Variants in TRIM55 observed in about 807,000 individuals in gnomAD.
TRIM55 encodes the protein tripartite motif containing 55, also known as tripartite motif-containing protein 55.
TRIM55 carries 50 observed loss-of-function variants against 60.9 expected under a neutral mutation model. That is an observed-to-expected ratio of 0.82 (90% confidence interval 0.65 to 1.04). The LOEUF (loss-of-function observed/expected upper bound fraction) is 1.04. Among genes scored for constraint, TRIM55 ranks in the 50% least tolerant of loss-of-function variants. TRIM55 has a pLI of 0.00. For synonymous variants in TRIM55, 237 were observed against 238.1 expected, an observed-to-expected ratio of 1.00 and a Z score of 0.04; for missense variants, 681 against 666.9, an observed-to-expected ratio of 1.02 and a Z score of -0.23.
intron 9 of TRIM55, among the ~76,000 whole-genome samples, chr8:66,170,621 A>G (rs1050003083): frequency 6.6e-6 from 1 of 152,202 alleles, no homozygotes; most frequent in Non-Finnish European, 1.5e-5. Context: ...TTCACATTAA[A>G]AAAAAATACC....
At chr8:66,166,109 CAGA>C (rs898544574) in intron 9 of TRIM55, among the ~76,000 whole-genome samples, 1 of 152,020 alleles carries the variant, frequency 6.6e-6, no homozygotes, top group Non-Finnish European at 1.5e-5. Flanking sequence ...GGGGTTTTAC[CAGA>C]AGGACAATAA....
intron 9 of TRIM55, among the ~76,000 whole-genome samples, chr8:66,158,182 C>T (rs1470004948): frequency 1.5e-5 from 2 of 137,292 alleles, no homozygotes; most frequent in Admixed American, 1.5e-4. Context: ...CACACACACA[C>T]ACACACACAC....
the TRIM55 span, among the ~76,000 whole-genome samples, chr8:66,118,348 T>G: frequency 6.6e-6 from 1 of 151,882 alleles, no homozygotes; most frequent in Non-Finnish European, 1.5e-5. Flanking sequence ...AACCATCTAA[T>G]GAAAGAAATG....
intron 4 of TRIM55, among the ~76,000 whole-genome samples, chr8:66,146,568 C>T (rs1185698584): frequency 2.6e-5 from 4 of 152,154 alleles, no homozygotes; most frequent in Admixed American, 6.5e-5. Context: ...TAATATAATA[C>T]TCATATTATA....
upstream of TRIM55, among the ~76,000 whole-genome samples, chr8:66,123,756 G>C (rs1303565627): frequency 6.6e-6 from 1 of 152,208 alleles, no homozygotes; most frequent in Non-Finnish European, 1.5e-5. Context: ...TACTCAGGAG[G>C]CTGAGGTGGG....
At chr8:66,166,430 G>A (rs932980699) in intron 9 of TRIM55, among the ~76,000 whole-genome samples, 1 of 152,160 alleles carries the variant, frequency 6.6e-6, no homozygotes, top group Admixed American at 6.5e-5. Context: ...ACTTTTGTTA[G>A]TGCTGTACAT....
intron 2 of TRIM55, among the ~76,000 whole-genome samples, chr8:66,130,401 A>G (rs1809070336): frequency 6.6e-6 from 1 of 152,344 alleles, no homozygotes. Context: ...CAAGTTGCAC[A>G]GAGCACTTGG....
At chr8:66,153,997 C>T (rs768582559) in intron 8 of TRIM55, 50 bp from the exon 9 acceptor site, 14 of 1,529,000 alleles carry the variant, frequency 9.2e-6, no homozygotes, top group Non-Finnish European at 1.1e-5. Context: ...TTTTCTTCTT[C>T]TTCTTCTTTT....
At chr8:66,172,895 A>G (rs982600854) in intron 9 of TRIM55, among the ~76,000 whole-genome samples, 2 of 152,188 alleles carry the variant, frequency 1.3e-5, no homozygotes, top group Non-Finnish European at 2.9e-5. Context: ...ATATATGCCC[A>G]GGTCATTTGG....
At chr8:66,159,760 C>G (rs1275858907) in intron 9 of TRIM55, among the ~76,000 whole-genome samples, 2 of 152,132 alleles carry the variant, frequency 1.3e-5, no homozygotes, top group East Asian at 1.9e-4. Flanking sequence ...CATGGTTTCT[C>G]CTTGTGGTTT....
chr8:66,152,046 C>T (rs1265099400), intron 7 of TRIM55, among the ~76,000 whole-genome samples: 1 of 152,052 alleles, frequency 6.6e-6, no homozygotes, highest in Non-Finnish European at 1.5e-5. Context: ...AAGTGACAAT[C>T]CCAGGCCTCC....
In TRIM55 at chr8:66,127,388, C is replaced by A. The variant is rs756103055; in HGVS notation, c.120C>A (p.Leu40=). The A allele has an allele frequency of 1.9e-6, 3 of 1,614,068 alleles. No individual in the cohort carries two copies. The highest frequency in any genetic ancestry group is 1.7e-6 in the Non-Finnish European group (2 of 1,180,040). ...TGTTCACGAAACCTGTGGTGATTCT[C>A]CCTTGTCAGCACAACCTGTGTAGGA... ...LEMFTKPVVI[L]PCQHNLCRKC... is the part of the protein sequence containing the mutation. The change falls in exon 1 of 10, where the codon CTC becomes CTA. Residue 40 remains leucine (L), a synonymous_variant. Transcript: ENST00000315962.
chr8:66,125,028 T>C (rs1458478293), upstream of TRIM55, among the ~76,000 whole-genome samples: 1 of 152,242 alleles, frequency 6.6e-6, no homozygotes, highest in East Asian at 1.9e-4. Flanking sequence ...GTAAATTATG[T>C]ATTTGGTGAA....
rs551036462 is a variant in TRIM55, at chr8:66,143,119, G to T, written c.603+5929G>T. ...TCTCGATGAATGTTGGAGGAATGTG[G>T]TGGAGATATGAATGGGCCTAATCAA... On this transcript the variant is annotated intron_variant, in intron 4 of 9. Transcript: ENST00000315962. Among the ~76,000 whole-genome samples the T allele has an allele frequency of 3.0e-4, 45 of 152,328 alleles. No individual in the cohort carries two copies. In the South Asian group the frequency reaches 9.3e-3, roughly 32 times the overall value.
intron 2 of TRIM55, among the ~76,000 whole-genome samples, chr8:66,131,148 A>G (rs560381612): frequency 6.6e-6 from 1 of 152,210 alleles, no homozygotes; most frequent in Non-Finnish European, 1.5e-5. Context: ...TGCCTAACAC[A>G]TGAATCATGT....
the TRIM55 span, among the ~76,000 whole-genome samples, chr8:66,118,155 C>T: frequency 0.099 from 10,695 of 107,558 alleles, 795 homozygotes; most frequent in African/African-American, 0.23. Flanking sequence ...GGGGACAGAG[C>T]GAGACTCCGT....
In TRIM55 at chr8:66,164,706, G is replaced by A. The variant is rs576060113; in HGVS notation, c.1525-9765G>A. On this transcript the variant is annotated intron_variant, in intron 9 of 9. Coordinates refer to ENST00000315962, the MANE Select transcript of TRIM55 (RefSeq NM_184085.2). ...TATGGCTCTTCACTCTCAAATAGCAGCGATGCAGAGGGCAAGGCCAATAGC... is the reference window on the plus strand; with the variant it reads ...TATGGCTCTTCACTCTCAAATAGCAACGATGCAGAGGGCAAGGCCAATAGC... 2.0e-5 allele frequency among the ~76,000 whole-genome samples: 3 copies of A among 152,324 alleles called. No individual in the cohort carries two copies. In the South Asian group the frequency reaches 6.2e-4, roughly 32 times the overall value.
the TRIM55 span, among the ~76,000 whole-genome samples, chr8:66,117,737 G>A: frequency 1.3e-5 from 2 of 152,144 alleles, no homozygotes. Flanking sequence ...GGGTATGGGT[G>A]GTGAGGGTGA....
chr8:66,144,897 A>T (rs1810021830), intron 4 of TRIM55, among the ~76,000 whole-genome samples: 1 of 152,160 alleles, frequency 6.6e-6, no homozygotes, highest in South Asian at 2.1e-4. Flanking sequence ...AAAAGTCCAC[A>T]TTTTTTCCTA....
Sources: gnomAD v4.1 joint callset for allele counts (sites outside exome capture counted in the v4.1 genomes callset) on GRCh38, gnomAD v4.1.1 for gene constraint, MANE v1.5 for transcripts, NCBI Gene and HGNC (gene_info 2026-07-23, HGNC 2026-07-21) for gene names.